The following NBEA variants were observed in gnomAD, a reference collection of about 807,000 sequenced individuals.
The protein encoded by NBEA is lysosomal-trafficking regulator 2.
NBEA carries 44 observed loss-of-function variants against 343.4 expected under a neutral mutation model. The ratio of observed to expected loss-of-function variants is 0.13; its 90% CI spans 0.10 to 0.16. NBEA has a LOEUF of 0.16. Ranked by LOEUF, NBEA falls within the 10% of genes least tolerant of loss-of-function variation. The pLI, the probability that NBEA is intolerant of heterozygous loss-of-function variation, is 1.00. For synonymous variants in NBEA, 1,175 were observed against 1,238.7 expected, an observed-to-expected ratio of 0.95 and a Z score of 1.08; for missense variants, 2,555 against 3,631.3, an observed-to-expected ratio of 0.70 and a Z score of 7.62.
intron 41 of NBEA, among the ~76,000 whole-genome samples, chr13:35,527,173 T>C (rs2078018155): frequency 1.3e-5 from 2 of 152,116 alleles, no homozygotes; most frequent in Admixed American, 1.3e-4. Context: ...GAAGTGTGGC[T>C]GAGTCAGGTT....
At chr13:35,215,014 C>CTA (rs2073988741) in intron 33 of NBEA, among the ~76,000 whole-genome samples, 1 of 151,176 alleles carries the variant, frequency 6.6e-6, no homozygotes, top group Admixed American at 6.6e-5. Context: ...GTCCCATGAA[C>CTA]TATATGTCAC....
chr13:35,532,835 A>G (rs2078332395), intron 41 of NBEA, among the ~76,000 whole-genome samples: 2 of 152,152 alleles, frequency 1.3e-5, no homozygotes, highest in African/African-American at 2.4e-5. Context: ...ACTAAGTTGC[A>G]TTAAAAGATC....
intron 1 of NBEA, among the ~76,000 whole-genome samples, chr13:34,961,285 A>G (rs1046528759): frequency 4.6e-5 from 7 of 152,226 alleles, no homozygotes; most frequent in South Asian, 2.1e-4. Flanking sequence ...AGAAAAAACC[A>G]CAAGTCTAAT....
rs373771955 is a variant in NBEA at position 34,983,438 on chromosome 13, G to C, written c.294+40324G>C. On this transcript the variant is annotated intron_variant, in intron 1 of 58. Coordinates refer to ENST00000379939, the MANE Select transcript of NBEA (RefSeq NM_001385012.1). ...CAGTCTATCATTGATGGACATTTGG[G>C]TTGGTTCTAAGTCTTTGCTATTGTG... Among the ~76,000 whole-genome samples the C allele has an allele frequency of 1.4e-4, 21 of 152,256 alleles. No homozygotes were observed. In the East Asian group the frequency reaches 3.9e-3, roughly 28 times the overall value.
At chr13:35,265,294 AC>A (rs1418172834) in intron 34 of NBEA, among the ~76,000 whole-genome samples, 5 of 151,848 alleles carry the variant, frequency 3.3e-5, no homozygotes, top group African/African-American at 9.7e-5. Context: ...TTCAAACTAC[AC>A]AAAGTGATCT....
intron 44 of NBEA, among the ~76,000 whole-genome samples, chr13:35,561,008 TC>T (rs1445030747): frequency 1.3e-5 from 2 of 152,134 alleles, no homozygotes; most frequent in Non-Finnish European, 2.9e-5. Flanking sequence ...TTCTAAGAAC[TC>T]CCCATTTGAT....
intron 35 of NBEA, among the ~76,000 whole-genome samples, chr13:35,293,572 C>T (rs2035933089): frequency 6.6e-6 from 1 of 151,920 alleles, no homozygotes; most frequent in African/African-American, 2.4e-5. Flanking sequence ...TATCACAGGT[C>T]TGATACTATC....
intron 41 of NBEA, among the ~76,000 whole-genome samples, chr13:35,496,628 T>G (rs2076687553): frequency 4.1e-5 from 1 of 24,412 alleles, no homozygotes. Flanking sequence ...AGTGAGATTC[T>G]GTCAAAAAAA....
intron 38 of NBEA, among the ~76,000 whole-genome samples, chr13:35,366,802 T>G (rs1471948970): frequency 6.6e-6 from 1 of 151,240 alleles, no homozygotes; most frequent in Non-Finnish European, 1.5e-5. Context: ...TAACACTCAG[T>G]CCTCACTATA....
intron 35 of NBEA, among the ~76,000 whole-genome samples, 186 bp downstream of exon 35, chr13:35,290,636 T>C (rs2035745270): frequency 1.3e-5 from 2 of 151,412 alleles, no homozygotes; most frequent in Non-Finnish European, 1.5e-5. Context: ...CATGTAAATA[T>C]TGACTTATTC....
intron 49 of NBEA, among the ~76,000 whole-genome samples, chr13:35,639,239 AT>A (rs962296495): frequency 2.0e-5 from 3 of 152,234 alleles, no homozygotes; most frequent in East Asian, 1.9e-4. Flanking sequence ...TAGCATTTTA[AT>A]TTTTTATATA....
At chr13:34,984,370 T>C (rs2060471822) in intron 1 of NBEA, among the ~76,000 whole-genome samples, 1 of 152,218 alleles carries the variant, frequency 6.6e-6, no homozygotes, top group East Asian at 1.9e-4. Flanking sequence ...TGTGGTGTTA[T>C]TTCTGAGGCC....
intron 1 of NBEA, among the ~76,000 whole-genome samples, chr13:34,963,034 G>A (rs956668476): frequency 6.6e-6 from 1 of 151,990 alleles, no homozygotes; most frequent in Non-Finnish European, 1.5e-5. Context: ...GGGATACTCC[G>A]ATTTTAAGTT....
chr13:35,638,642 C>T (rs184689325), intron 49 of NBEA, among the ~76,000 whole-genome samples: 15 of 152,326 alleles, frequency 9.8e-5, no homozygotes, highest in Admixed American at 6.5e-4. Flanking sequence ...TTGTTCATTT[C>T]TCTAGGCCAA....
At chr13:35,041,190 A>G (rs756875100) in intron 2 of NBEA, 26 bp downstream of exon 2, 7 of 1,556,492 alleles carry the variant, frequency 4.5e-6, no homozygotes, top group African/African-American at 1.4e-5. Context: ...ACAGGAAAGT[A>G]TAACTTAAAT....
At chr13:35,435,823 G>A (rs544894017) in intron 39 of NBEA, among the ~76,000 whole-genome samples, 5 of 152,182 alleles carry the variant, frequency 3.3e-5, no homozygotes, top group Non-Finnish European at 5.9e-5. Context: ...TCTCATATAC[G>A]TTGCTGAAAC....
intron 38 of NBEA, among the ~76,000 whole-genome samples, chr13:35,392,583 A>G (rs1225391962): frequency 3.3e-5 from 5 of 151,800 alleles, no homozygotes; most frequent in Non-Finnish European, 7.4e-5. Context: ...TCTAAATGCT[A>G]CTAGGAATGA....
Position 35,364,179 on chromosome 13 carries a change from T to C in NBEA, c.6179+11856T>C, listed in dbSNP as rs372319197. 1.2e-4 allele frequency among the ~76,000 whole-genome samples: 19 copies of C among 152,054 alleles called. No individual in the cohort carries two copies. The East Asian group carries it at 2.7e-3, about 22-fold the overall frequency. On this transcript the variant is annotated intron_variant, in intron 38 of 58. Coordinates refer to ENST00000379939, the MANE Select transcript of NBEA (RefSeq NM_001385012.1). ...AATTTCATCTCTCCCATTTTCCCAG[T>C]GAAGGGCATCTAGGAAACATCCTTG...
At chr13:35,118,584 C>A in intron 16 of NBEA, 110 bp downstream of exon 16, 1 of 806,778 alleles carries the variant, frequency 1.2e-6, no homozygotes, top group Non-Finnish European at 1.9e-6. Context: ...AAGTCTTGCA[C>A]ATAAGAGAAT....
Sources: gnomAD v4.1 joint callset for allele counts (sites outside exome capture counted in the v4.1 genomes callset) on GRCh38, gnomAD v4.1.1 for gene constraint, MANE v1.5 for transcripts, NCBI Gene and HGNC (gene_info 2026-07-23, HGNC 2026-07-21) for gene names.